Variants in HTR7 observed in about 807,000 individuals in gnomAD.
HTR7 encodes the protein 5-hydroxytryptamine receptor 7.
Under a neutral mutation model 34.0 loss-of-function variants are expected in HTR7, and 16 were observed. The observed-to-expected ratio is 0.47, with a 90% CI of 0.32 to 0.71. The LOEUF is 0.71. Ranked by LOEUF, HTR7 falls within the 30% of genes least tolerant of loss-of-function variation. The probability of loss-of-function intolerance (pLI) is 0.04; values close to 1 mark genes in which losing one functional copy is unlikely to be tolerated. For synonymous variants in HTR7, 265 were observed against 260.2 expected, an observed-to-expected ratio of 1.02 and a Z score of -0.18; for missense variants, 504 against 625.5, an observed-to-expected ratio of 0.81 and a Z score of 2.07.
At chr10:90,761,823 T>C (rs1366013924) in intron 1 of HTR7, among the ~76,000 whole-genome samples, 2 of 152,156 alleles carry the variant, frequency 1.3e-5, no homozygotes, top group Non-Finnish European at 2.9e-5. Context: ...CCAACAACCA[T>C]GCTACTCTCT....
At chr10:90,841,493 T>C (rs1846329236) in intron 1 of HTR7, among the ~76,000 whole-genome samples, 1 of 152,198 alleles carries the variant, frequency 6.6e-6, no homozygotes, top group South Asian at 2.1e-4. Flanking sequence ...CATCACCTTT[T>C]CCGTCTTTTA....
intron 1 of HTR7, among the ~76,000 whole-genome samples, chr10:90,757,373 C>T (rs914965184): frequency 6.6e-6 from 1 of 152,196 alleles, no homozygotes; most frequent in Non-Finnish European, 1.5e-5. Flanking sequence ...TAAGGGCCAA[C>T]AGAACTTGTC....
chr10:90,770,148 C>T (rs1027810510), intron 1 of HTR7, among the ~76,000 whole-genome samples: 1 of 152,190 alleles, frequency 6.6e-6, no homozygotes, highest in Non-Finnish European at 1.5e-5. Context: ...ACCGCACCTG[C>T]GGGGAGGGCA....
chr10:90,825,205 C>T (rs1846050512), intron 1 of HTR7, among the ~76,000 whole-genome samples: 1 of 152,208 alleles, frequency 6.6e-6, no homozygotes. Context: ...TCTTCAGGAT[C>T]TCATCCACAA....
intron 1 of HTR7, among the ~76,000 whole-genome samples, chr10:90,829,954 T>C (rs1246940069): frequency 6.6e-6 from 1 of 152,212 alleles, no homozygotes; most frequent in Non-Finnish European, 1.5e-5. Context: ...AAAGTTAAAA[T>C]GTTTCATGTT....
chr10:90,760,459 C>CAT, intron 1 of HTR7, among the ~76,000 whole-genome samples: 1 of 152,266 alleles, frequency 6.6e-6, no homozygotes, highest in East Asian at 1.9e-4. Flanking sequence ...GTTAACAATG[C>CAT]ATATATAGAT....
chr10:90,799,921 T>C (rs1845599295), intron 1 of HTR7, among the ~76,000 whole-genome samples: 1 of 152,188 alleles, frequency 6.6e-6, no homozygotes, highest in Admixed American at 6.5e-5. Context: ...CCAAATCATA[T>C]ATCTGATAAA....
intron 1 of HTR7, among the ~76,000 whole-genome samples, chr10:90,836,019 C>T (rs1377947693): frequency 6.6e-6 from 1 of 152,150 alleles, no homozygotes; most frequent in African/African-American, 2.4e-5. Flanking sequence ...CACCCAAACC[C>T]TCCCCATTCG....
intron 1 of HTR7, among the ~76,000 whole-genome samples, chr10:90,819,514 T>A (rs1475585032): frequency 6.6e-6 from 1 of 152,160 alleles, no homozygotes; most frequent in Non-Finnish European, 1.5e-5. Context: ...CCCTTTTTAA[T>A]TTCTCCTAAA....
Position 90,772,941 on chromosome 10 carries a change from T to C in HTR7, c.540-23347A>G, listed in dbSNP as rs551883227. 3.3e-5 allele frequency among the ~76,000 whole-genome samples: 5 copies of C among 152,288 alleles called. No homozygotes were observed. The South Asian group carries it at 1.0e-3, about 32-fold the overall frequency. On this transcript the variant is annotated intron_variant, in intron 1 of 3. Transcript: ENST00000336152. ...AAAGGTTTACTCTCCCAACATCACA[T>C]AATAAAGCTCAAAACTAGGTTTCAA...
chr10:90,782,577 G>A (rs943780541), intron 1 of HTR7, among the ~76,000 whole-genome samples: 1 of 151,976 alleles, frequency 6.6e-6, no homozygotes. Flanking sequence ...ATACTTCAAG[G>A]AATGAGATCA....
At position 90,797,440 on chromosome 10, in the gene HTR7, C is replaced by G. The variant is rs576866158; in HGVS notation, c.540-47846G>C. On this transcript the variant is annotated intron_variant, in intron 1 of 3. Transcript: ENST00000336152. The stretch of plus-strand genomic sequence containing the variant: ...ATAAGCAAACTTGTTAGAATTGTAT[C>G]AAAAATAGCCATAATCTAAATGAAA... 2.0e-5 allele frequency among the ~76,000 whole-genome samples: 3 copies of G among 152,236 alleles called. No homozygotes were observed. The East Asian group carries it at 5.8e-4, about 29-fold the overall frequency.
At chr10:90,848,247 A>C (rs2120115138) in intron 1 of HTR7, among the ~76,000 whole-genome samples, 1 of 152,226 alleles carries the variant, frequency 6.6e-6, no homozygotes, top group Middle Eastern at 3.4e-3. Flanking sequence ...TTTCTAGTAG[A>C]GACGGAGTTT....
chr10:90,774,934 A>G, intron 1 of HTR7, among the ~76,000 whole-genome samples: 1 of 152,232 alleles, frequency 6.6e-6, no homozygotes, highest in Non-Finnish European at 1.5e-5. Flanking sequence ...AAAATATACA[A>G]AATATAAAAC....
intron 1 of HTR7, among the ~76,000 whole-genome samples, chr10:90,803,932 C>T (rs575657731): frequency 3.3e-5 from 5 of 152,222 alleles, no homozygotes; most frequent in Admixed American, 1.3e-4. Flanking sequence ...TTTCTCCCAC[C>T]GAGTGTTGCT....
At chr10:90,820,074 A>T (rs1234023325) in intron 1 of HTR7, among the ~76,000 whole-genome samples, 1 of 152,190 alleles carries the variant, frequency 6.6e-6, no homozygotes, top group East Asian at 1.9e-4. Flanking sequence ...ATTCTTGCAC[A>T]AGCTGCTTCT....
chr10:90,823,023 A>C (rs772377074), intron 1 of HTR7, among the ~76,000 whole-genome samples: 13 of 152,270 alleles, frequency 8.5e-5, no homozygotes, highest in African/African-American at 1.2e-4. Flanking sequence ...TGCAGGCAGA[A>C]GTCTACTGCA....
intron 1 of HTR7, among the ~76,000 whole-genome samples, chr10:90,786,935 T>G (rs1310612145): frequency 6.6e-6 from 1 of 152,214 alleles, no homozygotes; most frequent in South Asian, 2.1e-4. Context: ...TCTGCGTTAC[T>G]GCATTTTCTC....
chr10:90,829,210 T>C lies in HTR7; in HGVS notation c.539+27923A>G, dbSNP rs1846127801. Among the ~76,000 whole-genome samples the C allele has an allele frequency of 2.0e-5, 3 of 152,066 alleles. No homozygotes were observed. In the South Asian group the frequency reaches 6.2e-4, roughly 32 times the overall value. ...TAAAATTCAGGATCCCTCAGCATGA[T>C]AAAAACCCTCAAAAAACTGAGTGTA... On this transcript the variant is annotated intron_variant, in intron 1 of 3. Coordinates refer to ENST00000336152, the MANE Select transcript of HTR7 (RefSeq NM_019859.4).
Sources: gnomAD v4.1 joint callset for allele counts (sites outside exome capture counted in the v4.1 genomes callset) on GRCh38, gnomAD v4.1.1 for gene constraint, MANE v1.5 for transcripts, NCBI Gene and HGNC (gene_info 2026-07-23, HGNC 2026-07-21) for gene names.